The following SNTG2 variants were observed in gnomAD, a reference collection of about 807,000 sequenced individuals.
SNTG2 encodes the protein syntrophin gamma 2, also known as gamma-2-syntrophin.
A neutral mutation model predicts 70.9 loss-of-function variants in SNTG2; 74 were observed. The observed-to-expected ratio is 1.04, with a 90% CI of 0.86 to 1.27. The LOEUF is 1.27. Ranked by LOEUF, SNTG2 falls within the 50% of genes most tolerant of loss-of-function variation. SNTG2 has a pLI of 0.00. For synonymous variants in SNTG2, 278 were observed against 273.8 expected, an observed-to-expected ratio of 1.02 and a Z score of -0.15; for missense variants, 717 against 690.7, an observed-to-expected ratio of 1.04 and a Z score of -0.43.
At chr2:1,169,811 C>T (rs1671004675) in intron 7 of SNTG2, among the ~76,000 whole-genome samples, 1 of 152,216 alleles carries the variant, frequency 6.6e-6, no homozygotes, top group African/African-American at 2.4e-5. Flanking sequence ...CAGGAAAGGG[C>T]AGCCTGGGGT....
intron 13 of SNTG2, among the ~76,000 whole-genome samples, chr2:1,264,144 G>A (rs113602149): frequency 1.5e-4 from 23 of 152,132 alleles, no homozygotes; most frequent in Non-Finnish European, 5.9e-5. Context: ...TAGAGATGTC[G>A]TGAATTCATA....
intron 13 of SNTG2, among the ~76,000 whole-genome samples, chr2:1,262,619 G>C (rs1678473052): frequency 6.6e-6 from 1 of 152,184 alleles, no homozygotes; most frequent in Non-Finnish European, 1.5e-5. Context: ...GCTCAGTCCA[G>C]ACGAGGAAAC....
chr2:1,116,822 G>GTGGGTGCCCTGGTGTA (rs1366601961), intron 4 of SNTG2, among the ~76,000 whole-genome samples: 4 of 141,448 alleles, frequency 2.8e-5, no homozygotes, highest in East Asian at 2.3e-4. Context: ...TTCCTGGTCT[G>GTGGGTGCCCTGGTGTA]TGGGTGCCCT....
At chr2:1,075,458 A>G (rs113274771) in intron 1 of SNTG2, among the ~76,000 whole-genome samples, 2 of 152,148 alleles carry the variant, frequency 1.3e-5, no homozygotes, top group Non-Finnish European at 2.9e-5. Context: ...AGTGTTTGTC[A>G]TTGTTCATTG....
intron 14 of SNTG2, among the ~76,000 whole-genome samples, chr2:1,285,140 G>T (rs192924999): frequency 6.6e-6 from 1 of 152,206 alleles, no homozygotes; most frequent in Non-Finnish European, 1.5e-5. Context: ...AAAGATGTAG[G>T]CTGGGAGGCT....
At chr2:1,130,199 A>G (rs1038882854) in intron 4 of SNTG2, among the ~76,000 whole-genome samples, 1 of 152,216 alleles carries the variant, frequency 6.6e-6, no homozygotes, top group Non-Finnish European at 1.5e-5. Context: ...GCTGTCACTC[A>G]TCATGGACAT....
intron 1 of SNTG2, among the ~76,000 whole-genome samples, chr2:1,008,814 A>G (rs1438481891): frequency 6.6e-6 from 1 of 152,198 alleles, no homozygotes; most frequent in Non-Finnish European, 1.5e-5. Context: ...TATATTTTAA[A>G]TTGTTATTAA....
In SNTG2 at chr2:1,224,581, G is replaced by A. The variant is rs1038700818; in HGVS notation, c.720-13307G>A. On this transcript the variant is annotated intron_variant, in intron 9 of 16. Coordinates refer to ENST00000308624, the MANE Select transcript of SNTG2 (RefSeq NM_018968.4). Reference sequence around the variant, plus strand: ...AGTGTCCCAAGGCCTCTCTGATGCCGCGTGCCCAGCGTGGGAGGAGGAGGT... The same window carrying A: ...AGTGTCCCAAGGCCTCTCTGATGCCACGTGCCCAGCGTGGGAGGAGGAGGT... Among the ~76,000 whole-genome samples the A allele has an allele frequency of 7.2e-5, 11 of 152,306 alleles. No individual in the cohort carries two copies. In the South Asian group the frequency reaches 8.3e-4, roughly 11 times the overall value.
intron 14 of SNTG2, among the ~76,000 whole-genome samples, chr2:1,296,154 G>T (rs1416915619): frequency 2.6e-5 from 4 of 152,130 alleles, no homozygotes; most frequent in African/African-American, 9.7e-5. Context: ...ACTATCAGTT[G>T]CTTCCACTTG....
chr2:956,498 T>C (rs1296668655), intron 1 of SNTG2, among the ~76,000 whole-genome samples: 1 of 152,168 alleles, frequency 6.6e-6, no homozygotes, highest in Non-Finnish European at 1.5e-5. Context: ...CTCAGCTGCC[T>C]CTCCTGGAGG....
intron 1 of SNTG2, among the ~76,000 whole-genome samples, chr2:1,069,302 G>A (rs1572354562): frequency 1.3e-5 from 2 of 151,162 alleles, no homozygotes; most frequent in East Asian, 3.9e-4. Context: ...AAATAGTCCA[G>A]GCTTCTTATA....
chr2:1,145,535 T>A (rs1388433845), intron 6 of SNTG2, among the ~76,000 whole-genome samples: 1 of 152,232 alleles, frequency 6.6e-6, no homozygotes, highest in African/African-American at 2.4e-5. Flanking sequence ...TTGGCCTACA[T>A]CTATTAAATG....
At chr2:1,163,024 G>A (rs1670434183) in intron 6 of SNTG2, among the ~76,000 whole-genome samples, 1 of 152,210 alleles carries the variant, frequency 6.6e-6, no homozygotes, top group African/African-American at 2.4e-5. Context: ...GGCCCAGCCT[G>A]TGGAGCATGA....
At chr2:1,185,613 C>T (rs953633975) in intron 8 of SNTG2, among the ~76,000 whole-genome samples, 7 of 152,336 alleles carry the variant, frequency 4.6e-5, no homozygotes, top group African/African-American at 1.2e-4. Flanking sequence ...ACAACTTGCA[C>T]TCCCTGGAGC....
intron 16 of SNTG2, among the ~76,000 whole-genome samples, chr2:1,358,266 G>A (rs968266972): frequency 2.0e-5 from 3 of 152,074 alleles, no homozygotes; most frequent in African/African-American, 4.8e-5. Flanking sequence ...CATTCAGTCC[G>A]TAACATTAGT....
intron 1 of SNTG2, among the ~76,000 whole-genome samples, chr2:1,066,445 C>G (rs546699176): frequency 2.0e-5 from 3 of 151,536 alleles, no homozygotes; most frequent in Non-Finnish European, 2.9e-5. Context: ...TGCGTCTCAT[C>G]GACTTGCTGG....
rs56246912 is a variant in SNTG2 at position 1,005,806 on chromosome 2, AATATATATATATATATATATATATATAT to A, written c.72+54780_72+54807del. Reference sequence around the variant, plus strand: ...GCGACAGAGCAAGACTCTGCCTCAAAATATATATATATATATATATATATATATATATATATATATATATATATATATA... The same window carrying A: ...GCGACAGAGCAAGACTCTGCCTCAAAATATATATATATATATATATATATA... On this transcript the variant is annotated intron_variant, in intron 1 of 16. Transcript: ENST00000308624. Among the ~76,000 whole-genome samples, 223 of 31,234 alleles carry A rather than the reference AATATATATATATATATATATATATATAT, an allele frequency of 7.1e-3. 8 individuals are homozygous for A. Among genetic ancestry groups the A allele is most frequent in the Admixed American group, 0.043 (101 of 2,348 alleles). 20.5% of individuals were successfully genotyped at this position (31,234 alleles called of 152,430 possible). A position where few individuals can be genotyped will look rare whatever the true frequency, so the allele number is the denominator to read the frequency against.
At chr2:1,009,252 G>GGT (rs755950049) in intron 1 of SNTG2, among the ~76,000 whole-genome samples, 45 of 129,560 alleles carry the variant, frequency 3.5e-4, no homozygotes, top group Middle Eastern at 4.0e-3. Context: ...TTCTGATACT[G>GGT]GTGGGTCGTG....
intron 12 of SNTG2, among the ~76,000 whole-genome samples, chr2:1,250,925 C>T (rs1677717214): frequency 6.6e-6 from 1 of 152,234 alleles, no homozygotes; most frequent in Admixed American, 6.5e-5. Context: ...TCTGCATACA[C>T]TCCGGAACAT....
Sources: gnomAD v4.1 joint callset for allele counts (sites outside exome capture counted in the v4.1 genomes callset) on GRCh38, gnomAD v4.1.1 for gene constraint, MANE v1.5 for transcripts, NCBI Gene and HGNC (gene_info 2026-07-23, HGNC 2026-07-21) for gene names.